The following KLF12 variants were observed in gnomAD, a reference collection of about 807,000 sequenced individuals.
The protein encoded by KLF12 is KLF transcription factor 12.
Under a neutral mutation model 37.8 loss-of-function variants are expected in KLF12, and 9 were observed. The observed-to-expected ratio is 0.24, with a 90% CI of 0.14 to 0.42. The LOEUF (loss-of-function observed/expected upper bound fraction) is 0.42. KLF12 is among the 10% of genes least tolerant of loss of function. The probability of loss-of-function intolerance (pLI) is 1.00; values close to 1 mark genes in which losing one functional copy is unlikely to be tolerated. For missense variants in KLF12, 411 were observed against 516.0 expected, an observed-to-expected ratio of 0.80 and a Z score of 1.97; for synonymous variants, 208 against 202.1, an observed-to-expected ratio of 1.03 and a Z score of -0.25.
At chr13:73,814,229 T>C (rs1021100321) in intron 4 of KLF12, among the ~76,000 whole-genome samples, 1 of 152,178 alleles carries the variant, frequency 6.6e-6, no homozygotes, top group Non-Finnish European at 1.5e-5. Context: ...TATGGCTGCC[T>C]AAGATTTCTA....
chr13:73,934,711 G>T (rs1238004370), intron 3 of KLF12, among the ~76,000 whole-genome samples: 2 of 151,834 alleles, frequency 1.3e-5, no homozygotes, highest in Non-Finnish European at 2.9e-5. Flanking sequence ...CATTTATTCT[G>T]CTTGGGGCTC....
chr13:73,948,845 T>C (rs960766310), intron 2 of KLF12, among the ~76,000 whole-genome samples: 2 of 152,228 alleles, frequency 1.3e-5, no homozygotes, highest in South Asian at 2.1e-4. Flanking sequence ...ACCTAATAGA[T>C]TGAAATCATG....
At chr13:73,736,187 CTTGGTTCCT>C (rs1162511641) in intron 6 of KLF12, among the ~76,000 whole-genome samples, 1 of 152,118 alleles carries the variant, frequency 6.6e-6, no homozygotes, top group Non-Finnish European at 1.5e-5. Flanking sequence ...TAACTCACCT[CTTGGTTCCT>C]CCATTCAAGG....
intron 7 of KLF12, among the ~76,000 whole-genome samples, chr13:73,706,707 C>T (rs1306881808): frequency 6.6e-6 from 1 of 152,168 alleles, no homozygotes; most frequent in Non-Finnish European, 1.5e-5. Flanking sequence ...GCTGTAGCAA[C>T]CTGCATAGAG....
the KLF12 span, among the ~76,000 whole-genome samples, chr13:74,290,301 G>T: frequency 6.6e-6 from 1 of 152,320 alleles, no homozygotes; most frequent in Non-Finnish European, 1.5e-5. Context: ...CTCAGCCACA[G>T]ATTCTTTTTC....
intron 2 of KLF12, among the ~76,000 whole-genome samples, chr13:73,952,534 G>T (rs1890684225): frequency 6.6e-6 from 1 of 152,136 alleles, no homozygotes; most frequent in Non-Finnish European, 1.5e-5. Context: ...GTTAAAATTT[G>T]ACATGAGATT....
At chr13:74,136,104 C>A (rs776370846), upstream of KLF12, among the ~76,000 whole-genome samples, 2 of 152,288 alleles carry the variant, frequency 1.3e-5, no homozygotes, top group African/African-American at 4.8e-5. Context: ...CTGTCCTGGT[C>A]TTGAGGTTTC....
chr13:74,038,261 T>C (rs1029029103), intron 1 of KLF12, among the ~76,000 whole-genome samples: 1 of 152,312 alleles, frequency 6.6e-6, no homozygotes, highest in South Asian at 2.1e-4. Flanking sequence ...TGTGAACTTA[T>C]AACTATTCAA....
At chr13:73,859,940 C>T (rs910977103) in intron 3 of KLF12, among the ~76,000 whole-genome samples, 1 of 152,128 alleles carries the variant, frequency 6.6e-6, no homozygotes, top group African/African-American at 2.4e-5. Context: ...GCTAAAGACT[C>T]ATAACTTTTT....
At chr13:73,712,320 A>G (rs1300116771) in intron 7 of KLF12, among the ~76,000 whole-genome samples, 1 of 146,854 alleles carries the variant, frequency 6.8e-6, no homozygotes, top group Non-Finnish European at 1.5e-5. Context: ...CCTGGGTAAC[A>G]AGAGCGAAAC....
At chr13:73,967,768 G>A (rs1168227118) in intron 2 of KLF12, among the ~76,000 whole-genome samples, 1 of 152,150 alleles carries the variant, frequency 6.6e-6, no homozygotes, top group East Asian at 1.9e-4. Flanking sequence ...ACTTGGGATG[G>A]AAATAATCCT....
At chr13:74,238,030 G>A in the KLF12 span, among the ~76,000 whole-genome samples, 1 of 147,154 alleles carries the variant, frequency 6.8e-6, no homozygotes, top group Non-Finnish European at 1.5e-5. Context: ...TTTTCAAAGG[G>A]AATGCTTCCA....
At chr13:74,247,790 A>G in the KLF12 span, among the ~76,000 whole-genome samples, 1 of 152,156 alleles carries the variant, frequency 6.6e-6, no homozygotes, top group African/African-American at 2.4e-5. Flanking sequence ...TAGCATAAAC[A>G]GATAGAATGG....
At chr13:74,099,997 C>T (rs1416174768) in intron 1 of KLF12, among the ~76,000 whole-genome samples, 1 of 152,104 alleles carries the variant, frequency 6.6e-6, no homozygotes, top group African/African-American at 2.4e-5. Flanking sequence ...GAAGGGCACA[C>T]ACACAGGGAA....
chr13:73,978,554 C>T (rs1395027615), intron 2 of KLF12, among the ~76,000 whole-genome samples: 2 of 152,246 alleles, frequency 1.3e-5, no homozygotes, highest in East Asian at 3.9e-4. Context: ...TGTTAGACTC[C>T]TAGTTAGTAA....
intron 5 of KLF12, among the ~76,000 whole-genome samples, chr13:73,802,709 G>T (rs1290015668): frequency 2.0e-5 from 3 of 152,158 alleles, no homozygotes; most frequent in Non-Finnish European, 1.5e-5. Flanking sequence ...TTATAAGTGA[G>T]AACATGTGGT....
At chr13:74,120,444 C>T (rs1432210902) in intron 1 of KLF12, among the ~76,000 whole-genome samples, 2 of 152,052 alleles carry the variant, frequency 1.3e-5, no homozygotes, top group East Asian at 3.8e-4. Context: ...TGCGTCACTG[C>T]ACTCCAGCCT....
Position 73,813,182 on chromosome 13 carries a change from G to A in KLF12, c.776C>T (p.Thr259Met), listed in dbSNP as rs1287996767. The A allele has an allele frequency of 1.2e-6, 2 of 1,613,944 alleles. No homozygotes were observed. Among genetic ancestry groups the A allele is most frequent in the Non-Finnish European group, 1.7e-6 (2 of 1,179,908 alleles). The change falls in exon 5 of 8, where the codon ACG becomes ATG. Residue 259 changes from threonine to methionine, a missense_variant. Around this residue, in one of 2 missense-constraint regions of KLF12, gnomAD observed 351 missense variants for 397.8 expected, o/e 0.88. Transcript: ENST00000377669. ...TACTGCTCTGGCTATGGAAAGGGCC[G>A]TAGATCCAGTTTCATTAACGCTATC... is the stretch of plus-strand genomic sequence containing the variant.
intron 5 of KLF12, among the ~76,000 whole-genome samples, chr13:73,802,745 T>C (rs1882347362): frequency 6.6e-6 from 1 of 152,206 alleles, no homozygotes. Context: ...CCTGGGTTAA[T>C]TGGCTTAGGA....
Sources: gnomAD v4.1 joint callset for allele counts (sites outside exome capture counted in the v4.1 genomes callset) on GRCh38, gnomAD v4.1.1 for gene constraint, gnomAD v4.1.1 regional missense constraint, MANE v1.5 for transcripts, NCBI Gene and HGNC (gene_info 2026-07-23, HGNC 2026-07-21) for gene names.